The following NEK1 variants were observed in gnomAD, a reference collection of about 807,000 sequenced individuals.
The protein encoded by NEK1 is NIMA related kinase 1.
In NEK1, 137 loss-of-function variants were observed where a neutral mutation model predicts 182.1. That is an observed-to-expected ratio of 0.75 (90% CI 0.65 to 0.87). NEK1 has a LOEUF of 0.87. NEK1 is among the 40% of genes least tolerant of loss of function. NEK1 has a pLI of 0.00. For synonymous variants in NEK1, 513 were observed against 492.2 expected (o/e 1.04, Z -0.56); for missense variants, 1,391 against 1,494.4 (o/e 0.93, Z 1.14).
intron 31 of NEK1, among the ~76,000 whole-genome samples, chr4:169,409,336 G>T (rs1284187866): frequency 6.6e-6 from 1 of 151,964 alleles, no homozygotes; most frequent in Non-Finnish European, 1.5e-5. Flanking sequence ...AGTAGAGACG[G>T]GGTTTCACCA....
intron 23 of NEK1, among the ~76,000 whole-genome samples, chr4:169,495,309 T>C (rs1751006367): frequency 6.8e-6 from 1 of 146,744 alleles, no homozygotes; most frequent in African/African-American, 2.5e-5. Flanking sequence ...AGTGGCGCGA[T>C]CTCGACTCAC....
At chr4:169,399,137 C>G (rs1482488235) in intron 35 of NEK1, among the ~76,000 whole-genome samples, 1 of 151,842 alleles carries the variant, frequency 6.6e-6, no homozygotes, top group Non-Finnish European at 1.5e-5. Context: ...CCAAGCTACT[C>G]AGGAGGCTGA....
chr4:169,603,800 G>A (rs1377537516), intron 2 of NEK1, among the ~76,000 whole-genome samples: 1 of 150,566 alleles, frequency 6.6e-6, no homozygotes, highest in Non-Finnish European at 1.5e-5. Context: ...CCACCTTCCA[G>A]GTTCCAGCGA....
chr4:169,437,943 G>A, intron 28 of NEK1, 140 bp downstream of exon 28: 1 of 658,076 alleles, frequency 1.5e-6, no homozygotes, highest in South Asian at 3.4e-5. Flanking sequence ...AAGACCAATA[G>A]CTAAAAATAT....
chr4:169,504,878 C>T (rs898813562), intron 23 of NEK1, among the ~76,000 whole-genome samples: 1 of 151,928 alleles, frequency 6.6e-6, no homozygotes, highest in African/African-American at 2.4e-5. Context: ...GAGTGTAACT[C>T]GATTGTTTGA....
intron 19 of NEK1, among the ~76,000 whole-genome samples, chr4:169,518,840 T>C (rs1229711647): frequency 2.0e-5 from 2 of 100,896 alleles, no homozygotes; most frequent in African/African-American, 5.5e-5. Flanking sequence ...TAATCCTCAG[T>C]TCTAGTTTGA....
chr4:169,529,186 T>C (rs1040374839), intron 19 of NEK1, among the ~76,000 whole-genome samples: 11 of 152,190 alleles, frequency 7.2e-5, no homozygotes, highest in Non-Finnish European at 1.6e-4. Flanking sequence ...CTCAACTCAA[T>C]GTTTTAAGTT....
chr4:169,565,958 T>C (rs1322307867), intron 12 of NEK1, among the ~76,000 whole-genome samples: 1 of 152,194 alleles, frequency 6.6e-6, no homozygotes, highest in Non-Finnish European at 1.5e-5. Context: ...GTACAGTATG[T>C]GAATTATATC....
intron 18 of NEK1, among the ~76,000 whole-genome samples, chr4:169,552,606 G>A (rs4296648): frequency 0.46 from 69,218 of 151,830 alleles, 18,479 homozygotes; most frequent in East Asian, 0.76. Context: ...ATAAGACAAG[G>A]AAAGAAAACA....
intron 27 of NEK1, among the ~76,000 whole-genome samples, chr4:169,456,703 G>T (rs542933914): frequency 1.6e-4 from 24 of 152,270 alleles, no homozygotes; most frequent in Admixed American, 1.4e-3. Context: ...CAATCCCACT[G>T]CTGGGTATAT....
chr4:169,540,884 GC>G lies in NEK1; in HGVS notation c.1563-2974del, dbSNP rs1759295406. On this transcript the variant is annotated intron_variant, in intron 18 of 35. Transcript: ENST00000507142. ...AGACAAACTTTCCTTTTTTTTTTTA[GC>G]CCTGACAAGAGAAGGGGAGGAAAAG... is the stretch of plus-strand genomic sequence containing the variant. Among the ~76,000 whole-genome samples, 3 of 149,954 alleles carry G rather than the reference GC, an allele frequency of 2.0e-5. No homozygotes were observed. In the South Asian group the frequency reaches 6.3e-4, roughly 31 times the overall value.
At chr4:169,490,716 C>T (rs1437396323) in intron 23 of NEK1, among the ~76,000 whole-genome samples, 2 of 151,746 alleles carry the variant, frequency 1.3e-5, no homozygotes, top group East Asian at 1.9e-4. Flanking sequence ...CAGACTAGAT[C>T]AAGCAGAGGA....
chr4:169,527,313 C>T (rs6553441), intron 19 of NEK1, among the ~76,000 whole-genome samples: 71,654 of 151,784 alleles, frequency 0.47, 19,477 homozygotes, highest in East Asian at 0.76. Context: ...AGCTGCTAAA[C>T]GAATTTCTTT....
At chr4:169,486,766 C>T (rs1015739444) in intron 23 of NEK1, among the ~76,000 whole-genome samples, 2 of 152,198 alleles carry the variant, frequency 1.3e-5, no homozygotes, top group African/African-American at 4.8e-5. Context: ...GGGAGCCTTA[C>T]AGGCGTGCAT....
intron 19 of NEK1, among the ~76,000 whole-genome samples, chr4:169,516,607 G>A (rs998623649): frequency 1.7e-5 from 1 of 58,284 alleles, no homozygotes; most frequent in African/African-American, 9.4e-5. Context: ...GTAATGCCTA[G>A]GTTTTCTTCT....
At chr4:169,526,604 G>C (rs1756939219) in intron 19 of NEK1, among the ~76,000 whole-genome samples, 1 of 152,208 alleles carries the variant, frequency 6.6e-6, no homozygotes, top group South Asian at 2.1e-4. Flanking sequence ...ATAGAAACCT[G>C]TTTTAATTCA....
At chr4:169,445,849 C>CATATATATATAT (rs70964204) in intron 27 of NEK1, among the ~76,000 whole-genome samples, 2,663 of 140,042 alleles carry the variant, frequency 0.019, 129 homozygotes, top group African/African-American at 0.073. Flanking sequence ...CAACTATATA[C>CATATATATATAT]ATATATATAT....
At chr4:169,522,996 C>A (rs1047042810) in intron 19 of NEK1, among the ~76,000 whole-genome samples, 1 of 152,140 alleles carries the variant, frequency 6.6e-6, no homozygotes, top group African/African-American at 2.4e-5. Context: ...AGGTCTCTAG[C>A]CAGCTCACCT....
chr4:169,522,316 C>A (rs1312724412), intron 19 of NEK1, among the ~76,000 whole-genome samples: 1 of 152,158 alleles, frequency 6.6e-6, no homozygotes, highest in Non-Finnish European at 1.5e-5. Flanking sequence ...TCTATCACAG[C>A]AACTTTCAAA....
Sources: allele counts gnomAD v4.1 joint callset (sites outside exome capture counted in the v4.1 genomes callset), GRCh38; gene constraint gnomAD v4.1.1; transcripts MANE v1.5; gene names NCBI Gene and HGNC (gene_info 2026-07-23, HGNC 2026-07-21).